The following RGS7 variants were observed in gnomAD, a reference collection of about 807,000 sequenced individuals.
RGS7 encodes the protein regulator of G protein signaling 7.
Under a neutral mutation model 81.1 loss-of-function variants are expected in RGS7, and 27 were observed. That is an observed-to-expected ratio of 0.33 (90% CI 0.25 to 0.46). The LOEUF is 0.46. Among genes scored for constraint, RGS7 ranks in the 20% least tolerant of loss-of-function variants. The probability of loss-of-function intolerance (pLI) is 1.00; values close to 1 mark genes in which losing one functional copy is unlikely to be tolerated. For synonymous variants in RGS7, 208 were observed against 207.7 expected (o/e 1.00, Z -0.01); for missense variants, 396 against 607.4 (o/e 0.65, Z 3.66).
chr1:240,936,567 T>A lies in RGS7; in HGVS notation c.333+33A>T, dbSNP rs749513502. The A allele has an allele frequency of 1.5e-5, 22 of 1,509,204 alleles. No individual in the cohort carries two copies. In the East Asian group the frequency reaches 3.4e-4, roughly 23 times the overall value. The allele number at this position is 1,509,204 out of a possible 1,614,324, so 93.5% of individuals were successfully genotyped here. ...TAACAAACGAAATGCGGGCTTCTAG[T>A]TTACTGTTAAAGAACATTTCTAATA... On this transcript the variant is annotated intron_variant, in intron 5 of 18. Coordinates refer to ENST00000440928, the MANE Select transcript of RGS7 (RefSeq NM_001364886.1).
At chr1:240,909,345 G>A (rs1272287628) in intron 6 of RGS7, among the ~76,000 whole-genome samples, 1 of 152,078 alleles carries the variant, frequency 6.6e-6, no homozygotes, top group Non-Finnish European at 1.5e-5. Context: ...CAGTACAAAT[G>A]CGAGTTATCC....
chr1:241,144,796 C>T lies in RGS7; in HGVS notation c.79-46034G>A, dbSNP rs142136500. ...TGTTGGGCAAAGGAACCCTGGAACT[C>T]GTTGAGGTTGCAGGAACATACAGAA... is the stretch of plus-strand genomic sequence containing the variant. On this transcript the variant is annotated intron_variant, in intron 2 of 18. Coordinates refer to ENST00000440928, the MANE Select transcript of RGS7 (RefSeq NM_001364886.1). The surrounding 1 kb of genome is among the most constrained non-coding windows in gnomAD (Gnocchi z 4.7). 1.8e-4 allele frequency among the ~76,000 whole-genome samples: 28 copies of T among 152,282 alleles called. No individual in the cohort carries two copies. Among genetic ancestry groups the T allele is most frequent in the African/African-American group, 6.3e-4 (26 of 41,560 alleles).
intron 18 of RGS7, among the ~76,000 whole-genome samples, chr1:240,784,875 A>C (rs1399583803): frequency 1.3e-5 from 2 of 151,964 alleles, no homozygotes; most frequent in Non-Finnish European, 2.9e-5. Flanking sequence ...GGTTTATGTG[A>C]TCCAACTGTC....
At chr1:241,302,017 G>C (rs1365211565) in intron 2 of RGS7, among the ~76,000 whole-genome samples, 1 of 152,236 alleles carries the variant, frequency 6.6e-6, no homozygotes, top group Non-Finnish European at 1.5e-5. Context: ...CTGGGCCAGA[G>C]CTGTGGGCAG....
intron 4 of RGS7, among the ~76,000 whole-genome samples, chr1:240,982,597 G>GAGCGTA (rs1288015935): frequency 2.6e-5 from 4 of 151,952 alleles, no homozygotes; most frequent in Admixed American, 1.3e-4. Flanking sequence ...GACTTAAATA[G>GAGCGTA]AGCGTTTCTC....
chr1:241,074,352 G>A (rs1026566617), intron 3 of RGS7, among the ~76,000 whole-genome samples: 3 of 152,168 alleles, frequency 2.0e-5, no homozygotes, highest in African/African-American at 7.2e-5. Context: ...CAGATGCAAA[G>A]AATCCCTTGA....
intron 4 of RGS7, among the ~76,000 whole-genome samples, chr1:240,976,546 T>C (rs6429234): frequency 0.36 from 55,425 of 151,960 alleles, 10,414 homozygotes; most frequent in Middle Eastern, 0.42. Flanking sequence ...GTGGGTGGGC[T>C]TCATCCCATC....
At chr1:240,834,185 G>A (rs776420632) in intron 9 of RGS7, among the ~76,000 whole-genome samples, 2 of 152,068 alleles carry the variant, frequency 1.3e-5, no homozygotes, top group Non-Finnish European at 2.9e-5. Flanking sequence ...TCCTCCTCCC[G>A]ACCCATCTAC....
chr1:240,783,289 G>C (rs1258166556), intron 18 of RGS7, among the ~76,000 whole-genome samples: 2 of 152,118 alleles, frequency 1.3e-5, no homozygotes, highest in African/African-American at 4.8e-5. Context: ...ACTTTTCCAA[G>C]TGAGCTATCA....
chr1:241,264,392 G>A (rs561618742), intron 2 of RGS7, among the ~76,000 whole-genome samples: 180 of 152,250 alleles, frequency 1.2e-3, no homozygotes, highest in Middle Eastern at 3.4e-3. Context: ...CAGCTACTTG[G>A]AGGCTGAAAC....
At chr1:241,270,992 C>T (rs555219767) in intron 2 of RGS7, among the ~76,000 whole-genome samples, 1 of 152,172 alleles carries the variant, frequency 6.6e-6, no homozygotes, top group African/African-American at 2.4e-5. Flanking sequence ...CTCCTGACCT[C>T]GTGATCCGCC....
intron 2 of RGS7, among the ~76,000 whole-genome samples, chr1:241,177,896 A>G (rs1237110768): frequency 6.6e-6 from 1 of 152,220 alleles, no homozygotes; most frequent in Non-Finnish European, 1.5e-5. Flanking sequence ...AGGAGGGTCG[A>G]GAAGAATCCA....
chr1:240,907,898 T>G (rs1186061277), intron 6 of RGS7, among the ~76,000 whole-genome samples: 1 of 152,132 alleles, frequency 6.6e-6, no homozygotes, highest in African/African-American at 2.4e-5. Flanking sequence ...AGAGTGCCGA[T>G]CCATAAAATA....
At chr1:240,941,654 T>C (rs540143951) in intron 4 of RGS7, among the ~76,000 whole-genome samples, 86 of 152,092 alleles carry the variant, frequency 5.7e-4, no homozygotes, top group African/African-American at 2.0e-3. Flanking sequence ...ATTAACAAGA[T>C]AAATGCCAGT....
At position 240,839,397 on chromosome 1, in the gene RGS7, G is replaced by T. The variant is rs1695244002; in HGVS notation, c.610-12225C>A. 1.3e-5 allele frequency among the ~76,000 whole-genome samples: 2 copies of T among 152,102 alleles called. 1 individual carries two copies. Among genetic ancestry groups the T allele is most frequent in the South Asian group, 4.1e-4 (2 of 4,826 alleles). ...TAAGACTTTTTGAGTTTATTTCTTG[G>T]CTGAGTTTTGGATAGAATTAGACTT... On this transcript the variant is annotated intron_variant, in intron 9 of 18. Coordinates refer to ENST00000440928, the MANE Select transcript of RGS7 (RefSeq NM_001364886.1).
At chr1:241,254,657 A>G (rs533102938) in intron 2 of RGS7, among the ~76,000 whole-genome samples, 1 of 152,310 alleles carries the variant, frequency 6.6e-6, no homozygotes, top group South Asian at 2.1e-4. Flanking sequence ...AGACACAAAC[A>G]TTCAGTCCAT....
intron 2 of RGS7, among the ~76,000 whole-genome samples, chr1:241,148,376 T>C (rs1040046458): frequency 6.6e-6 from 1 of 152,150 alleles, no homozygotes; most frequent in Admixed American, 6.6e-5. Context: ...ACTTCATTTC[T>C]ATATAGCCAG....
chr1:241,205,378 C>T (rs1025283949), intron 2 of RGS7, among the ~76,000 whole-genome samples: 3 of 151,870 alleles, frequency 2.0e-5, no homozygotes, highest in Non-Finnish European at 4.4e-5. Context: ...CTGTAACCGA[C>T]TGCATTTGTC....
intron 2 of RGS7, among the ~76,000 whole-genome samples, chr1:241,117,122 T>A (rs532155321): frequency 6.6e-6 from 1 of 152,192 alleles, no homozygotes; most frequent in African/African-American, 2.4e-5. Context: ...CAAAAATGCA[T>A]GTCAGCTTTC....
Sources: gnomAD v4.1 joint callset for allele counts (sites outside exome capture counted in the v4.1 genomes callset) on GRCh38, gnomAD v4.1.1 for gene constraint, Gnocchi (gnomAD v3.1) non-coding constraint, MANE v1.5 for transcripts, NCBI Gene and HGNC (gene_info 2026-07-23, HGNC 2026-07-21) for gene names.